Variants in MEGF11 observed in about 807,000 individuals in gnomAD.
The protein encoded by MEGF11 is multiple epidermal growth factor-like domains protein 11.
Under a neutral mutation model 146.6 loss-of-function variants are expected in MEGF11, and 126 were observed. The ratio of observed to expected loss-of-function variants is 0.86; its 90% CI spans 0.74 to 1.00. MEGF11 has a LOEUF of 1.00. MEGF11 is among the 50% of genes least tolerant of loss of function. The probability of loss-of-function intolerance (pLI) is 0.00; values close to 1 mark genes in which losing one functional copy is unlikely to be tolerated. For synonymous variants in MEGF11, 532 were observed against 583.4 expected (o/e 0.91, Z 1.27); for missense variants, 1,509 against 1,521.2 (o/e 0.99, Z 0.13).
intron 1 of MEGF11, among the ~76,000 whole-genome samples, chr15:66,185,171 T>C (rs2090661233): frequency 1.3e-5 from 2 of 152,054 alleles, no homozygotes; most frequent in Non-Finnish European, 2.9e-5. Context: ...AGCAATGACA[T>C]CTCTAGAATG....
intron 13 of MEGF11, among the ~76,000 whole-genome samples, chr15:65,925,726 T>C (rs1021859054): frequency 6.6e-6 from 1 of 152,128 alleles, no homozygotes; most frequent in Non-Finnish European, 1.5e-5. Flanking sequence ...TCTAAATTGG[T>C]GGGTAAACCT....
In MEGF11 at chr15:65,928,474, A is replaced by C. The variant is rs769716725; in HGVS notation, c.1626T>G (p.Asp542Glu). The change falls in exon 13 of 26, where the codon GAT (aspartate) becomes GAG (glutamate). Residue 542 changes from aspartate to glutamate, a missense_variant. Coordinates refer to ENST00000395614, the MANE Select transcript of MEGF11 (RefSeq NM_001385028.1). ...CSEHCDCSHA[D>E]GCDPVTGHCC... ...AGTGGCCTGTGACGGGGTCACATCC[A>C]TCAGCATGGCTGCAGTCACAGTGTT... 1.2e-6 allele frequency: 2 copies of C among 1,605,970 alleles called. No homozygotes were observed. The highest frequency in any genetic ancestry group is 2.2e-5 in the South Asian group (2 of 89,236).
chr15:66,237,642 A>G (rs1030809085), intron 1 of MEGF11, among the ~76,000 whole-genome samples: 4 of 152,156 alleles, frequency 2.6e-5, no homozygotes, highest in Admixed American at 2.0e-4. Flanking sequence ...TTCCTGGAGT[A>G]GTTTGGGAGA....
chr15:65,988,433 C>T (rs140457663), intron 5 of MEGF11, among the ~76,000 whole-genome samples: 263 of 152,272 alleles, frequency 1.7e-3, no homozygotes, highest in Non-Finnish European at 3.0e-3. Context: ...ATGTTGTAGC[C>T]TGTATCAGGA....
intron 1 of MEGF11, among the ~76,000 whole-genome samples, chr15:66,171,221 G>A (rs946990059): frequency 2.0e-5 from 3 of 152,230 alleles, no homozygotes; most frequent in Admixed American, 1.3e-4. Context: ...AGGGGAAGGA[G>A]AACACCAATG....
chr15:66,211,289 C>G (rs1466307373), intron 1 of MEGF11, among the ~76,000 whole-genome samples: 6 of 152,136 alleles, frequency 3.9e-5, no homozygotes, highest in Non-Finnish European at 5.9e-5. Flanking sequence ...TTTGGGAGGC[C>G]AAGGTGGGCG....
At chr15:66,036,820 T>G (rs760648771) in intron 5 of MEGF11, among the ~76,000 whole-genome samples, 1 of 152,214 alleles carries the variant, frequency 6.6e-6, no homozygotes, top group East Asian at 1.9e-4. Context: ...CATTCATTCA[T>G]GTAGGAAGTA....
chr15:65,908,548 C>T (rs2078698630), intron 23 of MEGF11, among the ~76,000 whole-genome samples: 1 of 152,216 alleles, frequency 6.6e-6, no homozygotes. Flanking sequence ...GCCCCAGCCT[C>T]TCCAGATCCC....
intron 4 of MEGF11, 73 bp downstream of exon 4, chr15:66,119,013 T>TC: frequency 1.8e-5 from 16 of 870,600 alleles, no homozygotes; most frequent in Admixed American, 2.2e-5. Context: ...CAGCCCCACC[T>TC]CCCCTCCCCT....
intron 5 of MEGF11, among the ~76,000 whole-genome samples, chr15:66,065,081 G>A (rs967188184): frequency 2.0e-5 from 3 of 152,152 alleles, no homozygotes; most frequent in African/African-American, 7.2e-5. Flanking sequence ...TAAAAGCACA[G>A]TCACAGCTCA....
chr15:66,189,976 G>A (rs2090826909), intron 1 of MEGF11, among the ~76,000 whole-genome samples: 1 of 152,118 alleles, frequency 6.6e-6, no homozygotes, highest in Non-Finnish European at 1.5e-5. Context: ...GCTAGACCTT[G>A]TCTCCAAAAA....
At chr15:66,067,996 T>A (rs2085205531) in intron 5 of MEGF11, among the ~76,000 whole-genome samples, 1 of 152,202 alleles carries the variant, frequency 6.6e-6, no homozygotes, top group South Asian at 2.1e-4. Flanking sequence ...TGAAGCCAAA[T>A]GCTTCACTTT....
At chr15:66,145,656 C>T (rs1053105933) in intron 1 of MEGF11, among the ~76,000 whole-genome samples, 6 of 152,168 alleles carry the variant, frequency 3.9e-5, no homozygotes, top group East Asian at 1.9e-4. Flanking sequence ...GCTCAAATAA[C>T]GGAGATGGGG....
rs1400246918 is a variant in MEGF11 at position 65,982,339 on chromosome 15, C to T, written c.544G>A (p.Gly182Ser). 3.9e-6 allele frequency: 6 copies of T among 1,530,776 alleles called. No homozygotes were observed. The highest frequency in any genetic ancestry group is 2.0e-5 in the Admixed American group (1 of 50,558). The allele number at this position is 1,530,776 out of a possible 1,614,324, so 94.8% of individuals were successfully genotyped here. A position where few individuals can be genotyped will look rare whatever the true frequency, so the allele number is the denominator to read the frequency against. Residue 182 changes from glycine to serine, a missense_variant, in exon 6 of 26, where the codon GGC (glycine) becomes AGC (serine). Transcript: ENST00000395614. This position sits in a 1 kb window ranked among gnomAD's most constrained non-coding sequence, Gnocchi z 5.6. The stretch of plus-strand genomic sequence containing the variant: ...TGGCACGGCAGCTGGCATCCCTTGC[C>T]GTGGGTGCCAGGTGCGCAGAGCTCC... ...CEELCAPGTH[G>S]KGCQLPCQCR...
intron 21 of MEGF11, among the ~76,000 whole-genome samples, chr15:65,910,681 C>A (rs950667428): frequency 2.0e-5 from 3 of 152,134 alleles, no homozygotes; most frequent in African/African-American, 7.2e-5. Context: ...AGTGGTTGCC[C>A]TTGAGGCTGT....
chr15:66,068,472 A>T, intron 5 of MEGF11, among the ~76,000 whole-genome samples: 1 of 152,230 alleles, frequency 6.6e-6, no homozygotes, highest in East Asian at 1.9e-4. Flanking sequence ...GTCCCCTGGC[A>T]TTAAAAACCA....
At chr15:66,164,139 C>T (rs2141087983) in intron 1 of MEGF11, among the ~76,000 whole-genome samples, 1 of 152,260 alleles carries the variant, frequency 6.6e-6, no homozygotes, top group East Asian at 1.9e-4. Context: ...CGAAGCTAAA[C>T]CAGAGGTGGA....
intron 5 of MEGF11, among the ~76,000 whole-genome samples, chr15:66,011,748 T>TATTATTATA (rs1035497180): frequency 7.0e-6 from 1 of 141,936 alleles, no homozygotes; most frequent in Non-Finnish European, 1.6e-5. Context: ...TTATTATTAT[T>TATTATTATA]AAACAACTTA....
At position 66,112,380 on chromosome 15, in the gene MEGF11, C is replaced by G. The variant is rs371965538; in HGVS notation, c.301+6706G>C. 2.6e-5 allele frequency among the ~76,000 whole-genome samples: 4 copies of G among 152,222 alleles called. No individual in the cohort carries two copies. The East Asian group carries it at 5.8e-4, about 22-fold the overall frequency. ...AAACTGAAATTAAGACCACACCAGACAGGTTAATTAGCAGAACCACAGCAT... is the reference window on the plus strand; with the variant it reads ...AAACTGAAATTAAGACCACACCAGAGAGGTTAATTAGCAGAACCACAGCAT... On this transcript the variant is annotated intron_variant, in intron 4 of 25. Coordinates refer to ENST00000395614, the MANE Select transcript of MEGF11 (RefSeq NM_001385028.1).
Sources: allele counts gnomAD v4.1 joint callset (sites outside exome capture counted in the v4.1 genomes callset), GRCh38; gene constraint gnomAD v4.1.1; non-coding constraint Gnocchi (gnomAD v3.1); transcripts MANE v1.5; gene names NCBI Gene and HGNC (gene_info 2026-07-23, HGNC 2026-07-21).